KCNIP4: variants seen among roughly 807,000 people sequenced by gnomAD.
The protein encoded by KCNIP4 is potassium voltage-gated channel interacting protein 4.
In KCNIP4, 12 loss-of-function variants were observed where a neutral mutation model predicts 34.0. The observed-to-expected ratio is 0.35, with a 90% CI of 0.23 to 0.57. The LOEUF is 0.57. Ranked by LOEUF, KCNIP4 falls within the 20% of genes least tolerant of loss-of-function variation. KCNIP4 has a pLI of 0.83. For missense variants in KCNIP4, 238 were observed against 311.7 expected (o/e 0.76, Z 1.78); for synonymous variants, 124 against 102.2 (o/e 1.21, Z -1.29).
intron 1 of KCNIP4, among the ~76,000 whole-genome samples, chr4:21,400,981 T>G (rs1560369926): frequency 6.6e-6 from 1 of 152,026 alleles, no homozygotes; most frequent in Non-Finnish European, 1.5e-5. Context: ...GCCAACATGG[T>G]GAAACCCCGT....
chr4:21,507,972 CTT>C, intron 1 of KCNIP4, among the ~76,000 whole-genome samples: 1 of 152,240 alleles, frequency 6.6e-6, no homozygotes, highest in Middle Eastern at 3.4e-3. Flanking sequence ...GATGGAATCT[CTT>C]TTTATCCCCA....
chr4:21,828,213 A>G (rs967344138), intron 1 of KCNIP4, among the ~76,000 whole-genome samples: 10 of 151,582 alleles, frequency 6.6e-5, no homozygotes, highest in Non-Finnish European at 1.5e-4. Flanking sequence ...ATAATACATA[A>G]CAATTGAAAT....
intron 1 of KCNIP4, among the ~76,000 whole-genome samples, chr4:21,574,638 T>C (rs1740606645): frequency 6.6e-6 from 1 of 152,132 alleles, no homozygotes; most frequent in African/African-American, 2.4e-5. Context: ...TAGTCTTTAG[T>C]AGTCAATAGT....
intron 1 of KCNIP4, chr4:21,850,661 A>C (rs1156852176): frequency 6.6e-6 from 1 of 152,178 alleles, no homozygotes. Flanking sequence ...AAACAAAAAA[A>C]GCTCATTTAA....
intron 1 of KCNIP4, among the ~76,000 whole-genome samples, chr4:21,598,756 G>A (rs920918665): frequency 6.6e-6 from 1 of 152,006 alleles, no homozygotes; most frequent in Non-Finnish European, 1.5e-5. Context: ...CTACACATGA[G>A]CACCCTGGTT....
intron 1 of KCNIP4, among the ~76,000 whole-genome samples, chr4:21,830,080 C>T (rs1050524373): frequency 6.6e-6 from 1 of 152,108 alleles, no homozygotes; most frequent in African/African-American, 2.4e-5. Context: ...AAGTTAAGTA[C>T]ATGCAGCCTA....
chr4:21,892,837 T>C (rs1452877610), intron 1 of KCNIP4, among the ~76,000 whole-genome samples: 2 of 152,146 alleles, frequency 1.3e-5, no homozygotes, highest in African/African-American at 2.4e-5. Context: ...AAAATAGATA[T>C]GTTATTCCCA....
chr4:20,947,601 C>T (rs1428394776), intron 1 of KCNIP4, among the ~76,000 whole-genome samples: 1 of 152,164 alleles, frequency 6.6e-6, no homozygotes, highest in African/African-American at 2.4e-5. Flanking sequence ...TTTTAATATG[C>T]AAATGATTAT....
chr4:21,568,387 G>T (rs1198945656), intron 1 of KCNIP4, among the ~76,000 whole-genome samples: 1 of 152,116 alleles, frequency 6.6e-6, no homozygotes, highest in African/African-American at 2.4e-5. Flanking sequence ...GAACCTGATG[G>T]TTGATATTGA....
chr4:21,470,553 C>A (rs1050806581), intron 1 of KCNIP4, among the ~76,000 whole-genome samples: 1 of 152,148 alleles, frequency 6.6e-6, no homozygotes, highest in African/African-American at 2.4e-5. Context: ...AAAGGAAAGG[C>A]AAATGCACTA....
chr4:21,807,415 T>C (rs1721364472), intron 1 of KCNIP4, among the ~76,000 whole-genome samples: 2 of 152,334 alleles, frequency 1.3e-5, no homozygotes, highest in South Asian at 4.1e-4. Context: ...TGTTAATACA[T>C]GGCCATCTAA....
chr4:21,416,774 A>G (rs1724983907), intron 1 of KCNIP4, among the ~76,000 whole-genome samples: 1 of 152,184 alleles, frequency 6.6e-6, no homozygotes, highest in Non-Finnish European at 1.5e-5. Context: ...TAGTATAACC[A>G]TCTTTCCTGA....
intron 1 of KCNIP4, among the ~76,000 whole-genome samples, chr4:21,574,528 C>T (rs767648886): frequency 2.6e-5 from 4 of 151,920 alleles, no homozygotes; most frequent in East Asian, 1.9e-4. Flanking sequence ...AGGAGATGTT[C>T]GGCAGCCTTT....
chr4:21,393,499 G>A (rs1722727494), intron 1 of KCNIP4, among the ~76,000 whole-genome samples: 3 of 152,106 alleles, frequency 2.0e-5, no homozygotes, highest in African/African-American at 7.2e-5. Context: ...GACATGGCAA[G>A]AAAGAAAGTC....
At chr4:21,795,221 G>A (rs1368883850) in intron 1 of KCNIP4, among the ~76,000 whole-genome samples, 43 of 152,148 alleles carry the variant, frequency 2.8e-4, no homozygotes, top group Admixed American at 2.7e-3. Flanking sequence ...GTAGACATCC[G>A]GGAAGCGTGC....
At chr4:21,880,841 A>G (rs1726418637) in intron 1 of KCNIP4, among the ~76,000 whole-genome samples, 2 of 152,196 alleles carry the variant, frequency 1.3e-5, no homozygotes. Flanking sequence ...AATGCTAACA[A>G]TGTATGCAAC....
rs529868772 is a variant in KCNIP4 at position 21,550,547 on chromosome 4, A to G, written c.61+398024T>C. On this transcript the variant is annotated intron_variant, in intron 1 of 8. Transcript: ENST00000382152. ...CAGCTGCTGCTAAAACCAGCTTTCT[A>G]TTACAGTTTCTCCTCATGTCATACA... Among the ~76,000 whole-genome samples, 140 of 152,092 alleles carry G rather than the reference A, an allele frequency of 9.2e-4. 1 individual carries two copies. The highest frequency in any genetic ancestry group is 3.3e-3 in the African/African-American group (137 of 41,498).
chr4:21,380,456 G>GGGGAGAGAGAGA, intron 1 of KCNIP4, among the ~76,000 whole-genome samples: 1 of 140,772 alleles, frequency 7.1e-6, no homozygotes, highest in South Asian at 2.4e-4. Context: ...AGAGGGAGAG[G>GGGGAGAGAGAGA]GGGAGAGAGA....
At chr4:21,336,380 T>C (rs749993277) in intron 1 of KCNIP4, among the ~76,000 whole-genome samples, 1 of 152,146 alleles carries the variant, frequency 6.6e-6, no homozygotes, top group Non-Finnish European at 1.5e-5. Context: ...TACCTAGGAA[T>C]GAAATTTCCA....
Sources: gnomAD v4.1 joint callset for allele counts (sites outside exome capture counted in the v4.1 genomes callset) on GRCh38, gnomAD v4.1.1 for gene constraint, MANE v1.5 for transcripts, NCBI Gene and HGNC (gene_info 2026-07-23, HGNC 2026-07-21) for gene names.